Variants in MINDY4 observed in about 807,000 individuals in gnomAD.
MINDY4 encodes the protein probable ubiquitin carboxyl-terminal hydrolase MINDY-4.
MINDY4 carries 68 observed loss-of-function variants against 87.0 expected under a neutral mutation model. The ratio of observed to expected loss-of-function variants is 0.78; its 90% confidence interval spans 0.64 to 0.96. MINDY4 has a LOEUF of 0.96. MINDY4 is among the 40% of genes least tolerant of loss of function. MINDY4 has a pLI of 0.00. For missense variants in MINDY4, 919 were observed against 928.2 expected (o/e 0.99, Z 0.13); for synonymous variants, 379 against 363.2 (o/e 1.04, Z -0.50).
chr7:30,841,307 A>G (rs1052953691), intron 9 of MINDY4, among the ~76,000 whole-genome samples: 2 of 152,220 alleles, frequency 1.3e-5, no homozygotes, highest in Non-Finnish European at 2.9e-5. Context: ...CATTTCACAC[A>G]TTAAGTGTTT....
At chr7:30,859,678 A>T (rs1196558363) in intron 13 of MINDY4, among the ~76,000 whole-genome samples, 1 of 152,140 alleles carries the variant, frequency 6.6e-6, no homozygotes, top group Non-Finnish European at 1.5e-5. Flanking sequence ...GACCCAGGAG[A>T]TGGCTGAGGG....
chr7:30,814,284 A>G (rs1036788380), intron 5 of MINDY4, among the ~76,000 whole-genome samples: 2 of 152,198 alleles, frequency 1.3e-5, no homozygotes, highest in East Asian at 1.9e-4. Flanking sequence ...ATCAAATGCT[A>G]TTCGGGTTAT....
chr7:30,845,121 C>T (rs1158878735), intron 9 of MINDY4, among the ~76,000 whole-genome samples: 2 of 152,126 alleles, frequency 1.3e-5, no homozygotes, highest in South Asian at 2.1e-4. Flanking sequence ...CCAGGGAGGC[C>T]AGGAGGAAGG....
At chr7:30,824,894 A>G (rs920087588) in intron 5 of MINDY4, among the ~76,000 whole-genome samples, 2 of 152,140 alleles carry the variant, frequency 1.3e-5, no homozygotes, top group Admixed American at 6.5e-5. Context: ...GGCTCTTTCC[A>G]CCAAGCCAAG....
chr7:30,795,951 T>C (rs2391919), intron 5 of MINDY4, among the ~76,000 whole-genome samples: 90,033 of 151,980 alleles, frequency 0.59, 28,108 homozygotes, highest in African/African-American at 0.8. Context: ...ACACTCAGCA[T>C]ATCTCAAGGT....
chr7:30,871,135 G>A (rs1395277539), intron 13 of MINDY4, among the ~76,000 whole-genome samples: 1 of 136,948 alleles, frequency 7.3e-6, no homozygotes, highest in Non-Finnish European at 1.5e-5. Flanking sequence ...AGGGCTGTGT[G>A]TTCCCCCCAG....
chr7:30,830,827 T>C (rs947599041), intron 6 of MINDY4, among the ~76,000 whole-genome samples: 34 of 152,188 alleles, frequency 2.2e-4, no homozygotes, highest in Non-Finnish European at 3.7e-4. Context: ...CAAATAGCGA[T>C]GTGGAAGGAG....
chr7:30,883,612 C>G (rs1790538963), intron 17 of MINDY4, among the ~76,000 whole-genome samples: 1 of 152,158 alleles, frequency 6.6e-6, no homozygotes. Flanking sequence ...TGAGTTGGGG[C>G]TCACCTCCTT....
At chr7:30,831,845 A>G (rs60037073) in intron 6 of MINDY4, among the ~76,000 whole-genome samples, 15,682 of 152,206 alleles carry the variant, frequency 0.1, 1,244 homozygotes, top group African/African-American at 0.21. Flanking sequence ...CATGTATCCT[A>G]CAAAAAGCAC....
chr7:30,874,549 A>G (rs1790203597), intron 14 of MINDY4, among the ~76,000 whole-genome samples: 1 of 152,182 alleles, frequency 6.6e-6, no homozygotes, highest in South Asian at 2.1e-4. Context: ...TGCTGGAGGA[A>G]TGTTGCTCCA....
At position 30,771,517 on chromosome 7, in the gene MINDY4, G is replaced by C; in HGVS notation, c.24G>C (p.Glu8Asp). The stretch of plus-strand genomic sequence containing the variant: ...CCATGGACAGCCTCTTCGTGGAGGA[G>C]GTGGCCGCCTCCTTGGTCAGGGAGT... MDSLFVEEVAASLVREFL... is the reference protein window; with the variant it reads MDSLFVEDVAASLVREFL... The change falls in exon 1 of 18, where the codon GAG becomes GAC. Residue 8 changes from glutamate (E) to aspartate (D), a missense_variant. By Grantham distance (45) the Glu-to-Asp change is conservative (BLOSUM62 2). Transcript: ENST00000265299. 6.2e-7 allele frequency: 1 copy of C among 1,605,758 alleles called. No individual in the cohort carries two copies. The highest frequency in any genetic ancestry group is 2.2e-5 in the East Asian group (1 of 44,562).
chr7:30,777,001 TC>T (rs1332429937), intron 1 of MINDY4, among the ~76,000 whole-genome samples: 2 of 150,722 alleles, frequency 1.3e-5, no homozygotes, highest in African/African-American at 4.8e-5. Context: ...CTTCTTTCTT[TC>T]TTTTTCTTTT....
intron 2 of MINDY4, 141 bp from the exon 3 acceptor site, chr7:30,781,836 G>A: frequency 1.6e-6 from 1 of 633,990 alleles, no homozygotes; most frequent in Non-Finnish European, 2.7e-6. Context: ...TATAATATGT[G>A]GCCAGTAAAT....
At chr7:30,779,760 T>C (rs1786950232) in intron 2 of MINDY4, 1 of 152,206 alleles carries the variant, frequency 6.6e-6, no homozygotes, top group African/African-American at 2.4e-5. Context: ...CCAATTCTAT[T>C]GTAGGAGTGA....
rs370252331 is a variant in MINDY4 at position 30,886,146 on chromosome 7, T to A, written c.2225+3153T>A. On this transcript the variant is annotated intron_variant, in intron 17 of 17. Transcript: ENST00000265299. ...CTGCAGTGAGAGCCCAAGCTCCTGA[T>A]AAGATGCAGCTGTGTGCCCACAGCA... Among the ~76,000 whole-genome samples the A allele has an allele frequency of 6.6e-5, 10 of 152,290 alleles. No individual in the cohort carries two copies. In the East Asian group the frequency reaches 1.5e-3, roughly 24 times the overall value.
At chr7:30,809,110 C>G (rs1444694237) in intron 5 of MINDY4, among the ~76,000 whole-genome samples, 3 of 151,900 alleles carry the variant, frequency 2.0e-5, no homozygotes, top group Admixed American at 6.6e-5. Context: ...AAATTTAAAA[C>G]CTGTAATTGA....
chr7:30,882,787 A>G, intron 16 of MINDY4, 134 bp from the exon 17 acceptor site: 1 of 727,728 alleles, frequency 1.4e-6, no homozygotes, highest in Non-Finnish European at 2.4e-6. Flanking sequence ...GTCAGGGATG[A>G]GGGTGGGTCC....
intron 4 of MINDY4, among the ~76,000 whole-genome samples, chr7:30,788,199 A>G (rs562630684): frequency 6.6e-6 from 1 of 152,320 alleles, no homozygotes; most frequent in South Asian, 2.1e-4. Context: ...CAGCTGGAAA[A>G]GGGAAAGTAT....
chr7:30,828,354 C>G (rs1365016853), intron 5 of MINDY4, among the ~76,000 whole-genome samples: 1 of 151,014 alleles, frequency 6.6e-6, no homozygotes, highest in African/African-American at 2.5e-5. Flanking sequence ...GTGTGTTTCC[C>G]AGAAGTATTG....
Sources: gnomAD v4.1 joint callset for allele counts (sites outside exome capture counted in the v4.1 genomes callset) on GRCh38, gnomAD v4.1.1 for gene constraint, MANE v1.5 for transcripts, NCBI Gene and HGNC (gene_info 2026-07-23, HGNC 2026-07-21) for gene names.